MTRFR: variants seen among roughly 807,000 people sequenced by gnomAD.
The protein encoded by MTRFR is probable peptide chain release factor C12orf65, mitochondrial.
MTRFR carries 10 observed loss-of-function variants against 11.9 expected under a neutral mutation model. The observed-to-expected ratio is 0.84, with a 90% confidence interval of 0.52 to 1.42. MTRFR has a LOEUF of 1.42. Ranked by LOEUF, MTRFR falls within the 40% of genes most tolerant of loss-of-function variation. MTRFR has a pLI of 0.00. For synonymous variants in MTRFR, 77 were observed against 79.1 expected (o/e 0.97, Z 0.14); for missense variants, 196 against 197.9 (o/e 0.99, Z 0.06).
chr12:123,256,341 A>G (rs2048181993), intron 2 of MTRFR, among the ~76,000 whole-genome samples: 1 of 152,210 alleles, frequency 6.6e-6, no homozygotes, highest in Admixed American at 6.5e-5. Context: ...GATTAAAACA[A>G]TCACACTGAA....
chr12:123,237,908 T>TA (rs1474890711), intron 1 of MTRFR, among the ~76,000 whole-genome samples: 2 of 151,902 alleles, frequency 1.3e-5, no homozygotes, highest in South Asian at 2.1e-4. Flanking sequence ...CACTTTTTTT[T>TA]TTTTTGAGAC....
intron 1 of MTRFR, among the ~76,000 whole-genome samples, chr12:123,244,395 G>A (rs369033362): frequency 6.6e-6 from 1 of 152,004 alleles, no homozygotes; most frequent in South Asian, 2.1e-4. Context: ...TCGCGCCATC[G>A]CACTCCAGCC....
intron 1 of MTRFR, among the ~76,000 whole-genome samples, chr12:123,242,991 A>G (rs912794419): frequency 6.6e-6 from 1 of 152,234 alleles, no homozygotes; most frequent in African/African-American, 2.4e-5. Flanking sequence ...GAATAAGGAA[A>G]GATAAGTTTT....
At chr12:123,245,314 T>A (rs2138770492) in intron 1 of MTRFR, among the ~76,000 whole-genome samples, 1 of 152,310 alleles carries the variant, frequency 6.6e-6, no homozygotes, top group South Asian at 2.1e-4. Context: ...TCAGGTAATA[T>A]GATGCCTCCA....
Position 123,257,370 on chromosome 12 carries a change from G to A in MTRFR, c.*339G>A, listed in dbSNP as rs967366906. ...TCTCTACTAAAAATACAAAAAATTAGCCAGGCATGGTGGCGGGCACCTGTA... is the reference window on the plus strand; with the variant it reads ...TCTCTACTAAAAATACAAAAAATTAACCAGGCATGGTGGCGGGCACCTGTA... On this transcript the variant is annotated 3_prime_UTR_variant, in exon 3 of 3. Transcript: ENST00000253233. 1 of 241,794 alleles carries A rather than the reference G, an allele frequency of 4.1e-6. No individual in the cohort carries two copies. Among genetic ancestry groups the A allele is most frequent in the Non-Finnish European group, 8.1e-6 (1 of 123,096 alleles). 15.0% of individuals were successfully genotyped at this position (241,794 alleles called of 1,614,324 possible).
At chr12:123,239,380 A>G (rs992460159) in intron 1 of MTRFR, among the ~76,000 whole-genome samples, 1 of 150,516 alleles carries the variant, frequency 6.6e-6, no homozygotes, top group African/African-American at 2.4e-5. Flanking sequence ...TTAGAATTTC[A>G]CATGTGGGTA....
At chr12:123,240,608 C>T (rs1300961613) in intron 1 of MTRFR, 9 of 149,460 alleles carry the variant, frequency 6.0e-5, no homozygotes, top group Non-Finnish European at 1.3e-4. Flanking sequence ...TAGTGCTTTA[C>T]CTTTCAAAAA....
intron 1 of MTRFR, chr12:123,248,513 CAG>C (rs2048071555): frequency 6.6e-6 from 1 of 152,640 alleles, no homozygotes; most frequent in African/African-American, 2.4e-5. Context: ...ATGGTGTGTC[CAG>C]AGTTTGTTCC....
Position 123,246,709 on chromosome 12 carries a change from A to ATTTTTTTT in MTRFR, c.-28-6906_-28-6899dup, listed in dbSNP as rs1157677577. ...TGAGAGAGTGCTTGATATAATTTCA[A>ATTTTTTTT]TTTTTTTTTTTTTTTTTTTTTTTTT... is the stretch of plus-strand genomic sequence containing the variant. On this transcript the variant is annotated intron_variant, in intron 1 of 2. Coordinates refer to ENST00000253233, the MANE Select transcript of MTRFR (RefSeq NM_152269.5). Among the ~76,000 whole-genome samples the ATTTTTTTT allele has an allele frequency of 1.7e-4, 9 of 53,516 alleles. 4 individuals carry two copies. Among genetic ancestry groups the ATTTTTTTT allele is most frequent in the African/African-American group, 7.5e-4 (8 of 10,668 alleles). The allele number at this position is 53,516 out of a possible 152,430, so 35.1% of individuals were successfully genotyped here. A position where few individuals can be genotyped will look rare whatever the true frequency, so the allele number is the denominator to read the frequency against.
intron 1 of MTRFR, chr12:123,233,765 T>G (rs2047774678): frequency 6.6e-6 from 1 of 152,320 alleles, no homozygotes; most frequent in African/African-American, 2.4e-5. Flanking sequence ...CCTGGGGCTG[T>G]TCAGGCACTC....
At position 123,233,468 on chromosome 12, in the gene MTRFR, C is replaced by G. The variant is rs1384621188; in HGVS notation, c.-92C>G. On this transcript the variant is annotated 5_prime_UTR_variant, in exon 1 of 3. It adds an upstream start codon to the 5' untranslated region. Transcript: ENST00000253233. ...CAGATCAGGGATCGCGATTGCGAAT[C>G]CTCCGCTGAGGTGATTTGGATATCC... 1.3e-5 allele frequency: 2 copies of G among 152,296 alleles called. No individual in the cohort carries two copies. The highest frequency in any genetic ancestry group is 2.9e-5 in the Non-Finnish European group (2 of 68,076). 9.4% of individuals were successfully genotyped at this position (152,296 alleles called of 1,614,324 possible).
At position 123,256,899 on chromosome 12, in the gene MTRFR, A is replaced by G. The variant is rs1426441359; in HGVS notation, c.369A>G (p.Glu123=). The G allele has an allele frequency of 1.2e-6, 2 of 1,614,068 alleles. No individual in the cohort carries two copies. Among genetic ancestry groups the G allele is most frequent in the South Asian group, 2.2e-5 (2 of 91,064 alleles). ...AAGTAGATGTTTTCTACAATGGTGA[A>G]AACAGTCCTGTTCACAAAGAAAAAC... ...QEKVDVFYNG[E]NSPVHKEKRE... is the part of the protein sequence containing the mutation. Residue 123 remains glutamate, a synonymous_variant, in exon 3 of 3, where the codon GAA becomes GAG. Coordinates refer to ENST00000253233, the MANE Select transcript of MTRFR (RefSeq NM_152269.5).
intron 1 of MTRFR, chr12:123,248,307 C>T (rs902315653): frequency 6.6e-6 from 1 of 152,258 alleles, no homozygotes; most frequent in East Asian, 1.9e-4. Flanking sequence ...TCCCTTCTAG[C>T]TTGTAGTGTT....
At chr12:123,250,725 C>G (rs1322431626) in intron 1 of MTRFR, 1 of 152,278 alleles carries the variant, frequency 6.6e-6, no homozygotes, top group African/African-American at 2.4e-5. Flanking sequence ...GGTCTCTCAG[C>G]CATGGCTACC....
intron 1 of MTRFR, chr12:123,252,353 CCTGGGGAAGTCAAGGCTGCAGTGAG>C (rs2048123296): frequency 6.6e-6 from 1 of 151,970 alleles, no homozygotes; most frequent in South Asian, 2.1e-4. Context: ...ATCGCCTGAC[CCTGGGGAAGTCAAGGCTGCAGTGAG>C]CTGTGATCGC....
chr12:123,244,791 C>T (rs1271716128), intron 1 of MTRFR, among the ~76,000 whole-genome samples: 1 of 151,854 alleles, frequency 6.6e-6, no homozygotes, highest in Non-Finnish European at 1.5e-5. Flanking sequence ...TGCCAACACA[C>T]CTGGCTAATT....
chr12:123,244,203 C>T (rs955979791), intron 1 of MTRFR, among the ~76,000 whole-genome samples: 1 of 152,186 alleles, frequency 6.6e-6, no homozygotes, highest in Admixed American at 6.5e-5. Context: ...GAGGCTGAGG[C>T]TGGTGGATCA....
intron 1 of MTRFR, among the ~76,000 whole-genome samples, chr12:123,252,976 A>C (rs1377018654): frequency 6.7e-6 from 1 of 150,328 alleles, no homozygotes; most frequent in Non-Finnish European, 1.5e-5. Flanking sequence ...GATTTCAGAG[A>C]TTCTCAAACA....
intron 1 of MTRFR, among the ~76,000 whole-genome samples, chr12:123,237,316 G>C (rs1434302480): frequency 1.3e-5 from 2 of 152,164 alleles, no homozygotes; most frequent in African/African-American, 4.8e-5. Flanking sequence ...TGTAGTCCCA[G>C]ATACTCAGGA....
Sources: gnomAD v4.1 joint callset for allele counts (sites outside exome capture counted in the v4.1 genomes callset) on GRCh38, gnomAD v4.1.1 for gene constraint, MANE v1.5 for transcripts, NCBI Gene and HGNC (gene_info 2026-07-23, HGNC 2026-07-21) for gene names.